KIRREL3: variants seen among roughly 807,000 people sequenced by gnomAD.
KIRREL3 encodes the protein kin of IRRE-like protein 3.
KIRREL3 carries 36 observed loss-of-function variants against 89.7 expected under a neutral mutation model. That is an observed-to-expected ratio of 0.40 (90% CI 0.31 to 0.53). KIRREL3 has a LOEUF of 0.53. Ranked by LOEUF, KIRREL3 falls within the 20% of genes least tolerant of loss-of-function variation. The pLI, the probability that KIRREL3 is intolerant of heterozygous loss-of-function variation, is 0.49. For synonymous variants in KIRREL3, 445 were observed against 441.4 expected (o/e 1.01, Z -0.10); for missense variants, 864 against 1,056.6 (o/e 0.82, Z 2.53).
intron 1 of KIRREL3, among the ~76,000 whole-genome samples, chr11:126,930,985 G>A (rs192735928): frequency 7.9e-5 from 12 of 152,196 alleles, no homozygotes; most frequent in Admixed American, 3.9e-4. Flanking sequence ...TTTCACATTC[G>A]GTTCCCTCTG....
intron 1 of KIRREL3, among the ~76,000 whole-genome samples, chr11:126,842,491 G>C (rs906238517): frequency 5.9e-5 from 9 of 152,150 alleles, no homozygotes; most frequent in African/African-American, 1.7e-4. Context: ...GCAAGACCAT[G>C]ACCATATTGG....
At chr11:126,855,628 G>A (rs1181785702) in intron 1 of KIRREL3, among the ~76,000 whole-genome samples, 1 of 152,250 alleles carries the variant, frequency 6.6e-6, no homozygotes, top group East Asian at 1.9e-4. Context: ...TATCATGTGT[G>A]AGACTCAGTG....
chr11:126,784,594 C>T (rs1215250949), intron 1 of KIRREL3, among the ~76,000 whole-genome samples: 1 of 150,372 alleles, frequency 6.7e-6, no homozygotes, highest in Admixed American at 6.7e-5. Context: ...CACCATTTTA[C>T]TTAGCGCTTA....
intron 6 of KIRREL3, among the ~76,000 whole-genome samples, chr11:126,457,649 G>T (rs1416879302): frequency 6.6e-6 from 1 of 152,108 alleles, no homozygotes; most frequent in African/African-American, 2.4e-5. Context: ...GAGAAAAAGA[G>T]AAATCTAGAG....
intron 1 of KIRREL3, among the ~76,000 whole-genome samples, chr11:126,925,991 C>T (rs141466122): frequency 6.6e-6 from 1 of 152,190 alleles, no homozygotes; most frequent in African/African-American, 2.4e-5. Flanking sequence ...ACTGCAGTGA[C>T]TCAGTCATGG....
chr11:126,440,832 G>A, intron 10 of KIRREL3: 1 of 512,978 alleles, frequency 1.9e-6, no homozygotes, highest in Non-Finnish European at 3.5e-6. Context: ...CACAGGAGCG[G>A]TGCAGATAAA....
At chr11:126,922,117 G>A (rs11600444) in intron 1 of KIRREL3, among the ~76,000 whole-genome samples, 1 of 122,558 alleles carries the variant, frequency 8.2e-6, no homozygotes, top group African/African-American at 3.0e-5. Flanking sequence ...CTATCTATCT[G>A]TCTGTCTATC....
chr11:126,816,661 A>G (rs1023370693), intron 1 of KIRREL3, among the ~76,000 whole-genome samples: 1 of 152,224 alleles, frequency 6.6e-6, no homozygotes, highest in African/African-American at 2.4e-5. Context: ...CAAGGATACT[A>G]TTTAATCTCC....
rs754005179 is a variant in KIRREL3, at chr11:126,449,009, A to T, written c.997T>A (p.Phe333Ile). 1 of 1,607,506 alleles carries T rather than the reference A, an allele frequency of 6.2e-7. No homozygotes were observed. Among genetic ancestry groups the T allele is most frequent in the Non-Finnish European group, 8.5e-7 (1 of 1,174,888 alleles). The stretch of plus-strand genomic sequence containing the variant: ...GGGAAGCCTGCACCACTGCACTCAC[A>T]GTAGACGTCAACCGTGCGGCTGAGG... Reference protein sequence around the residue: ...TNLSRTVDVYFGPRMTTEPQS... With the variant: ...TNLSRTVDVYIGPRMTTEPQS... Residue 333 changes from phenylalanine (F) to isoleucine (I), a missense_variant and splice_region_variant, in exon 8 of 17, where the codon TTT (phenylalanine) becomes ATT (isoleucine). Phe to Ile is a conservative substitution (Grantham distance 21). Transcript: ENST00000525144.
At chr11:126,779,873 C>T (rs1950274702) in intron 1 of KIRREL3, among the ~76,000 whole-genome samples, 3 of 152,044 alleles carry the variant, frequency 2.0e-5, no homozygotes, top group Non-Finnish European at 2.9e-5. Context: ...CAAGCAGAAT[C>T]AGCTGAACCA....
intron 1 of KIRREL3, among the ~76,000 whole-genome samples, chr11:126,762,149 T>TG (rs1565710320): frequency 2.0e-5 from 3 of 148,620 alleles, no homozygotes; most frequent in Admixed American, 1.3e-4. Context: ...CACTCCAGCT[T>TG]GGGTGACAGA....
Position 126,676,066 on chromosome 11 carries a change from G to A in KIRREL3, c.56-113154C>T, listed in dbSNP as rs542685734. ...GAGGGAGAAGTTTGAGAAAGGAAGA[G>A]GATGCCAGGTCCAGTTTGGGACATA... On this transcript the variant is annotated intron_variant, in intron 1 of 16. Coordinates refer to ENST00000525144, the MANE Select transcript of KIRREL3 (RefSeq NM_032531.4). This position sits in a 1 kb window ranked among gnomAD's most constrained non-coding sequence, Gnocchi z 4.5. 1.6e-3 allele frequency among the ~76,000 whole-genome samples: 249 copies of A among 152,258 alleles called. 1 individual carries two copies. Among genetic ancestry groups the A allele is most frequent in the Non-Finnish European group, 2.8e-3 (192 of 68,016 alleles).
intron 1 of KIRREL3, among the ~76,000 whole-genome samples, chr11:126,749,019 C>T (rs1353814088): frequency 1.3e-5 from 2 of 152,172 alleles, no homozygotes; most frequent in Non-Finnish European, 2.9e-5. Context: ...CATCTCCTCT[C>T]CCTGCAGTCT....
intron 1 of KIRREL3, among the ~76,000 whole-genome samples, chr11:126,847,218 G>T (rs1015056485): frequency 1.3e-5 from 2 of 152,064 alleles, no homozygotes; most frequent in African/African-American, 4.8e-5. Context: ...CTTTCTTTGG[G>T]CTGTATTTGT....
rs1432445224 is a variant in KIRREL3 at position 126,943,794 on chromosome 11, T to A, written c.55+56661A>T. On this transcript the variant is annotated intron_variant, in intron 1 of 16. Coordinates refer to ENST00000525144, the MANE Select transcript of KIRREL3 (RefSeq NM_032531.4). This position sits in a 1 kb window ranked among gnomAD's most constrained non-coding sequence, Gnocchi z 4.2. ...TGCCCCCTGAGTTTTAGAGATACCC[T>A]ATTTGAATGAGAGAAAACAAAGTGA... 6.6e-6 allele frequency among the ~76,000 whole-genome samples: 1 copy of A among 152,144 alleles called. No individual in the cohort carries two copies. Among genetic ancestry groups the A allele is most frequent in the Non-Finnish European group, 1.5e-5 (1 of 68,028 alleles).
intron 1 of KIRREL3, among the ~76,000 whole-genome samples, chr11:126,810,973 G>C (rs1951365981): frequency 6.6e-6 from 1 of 152,116 alleles, no homozygotes; most frequent in African/African-American, 2.4e-5. Flanking sequence ...GCAGGGAGGA[G>C]GTGGTACGTT....
At position 126,650,857 on chromosome 11, in the gene KIRREL3, C is replaced by T. The variant is rs558400115; in HGVS notation, c.56-87945G>A. 1.5e-4 allele frequency among the ~76,000 whole-genome samples: 23 copies of T among 152,162 alleles called. 1 individual carries two copies. Among genetic ancestry groups the T allele is most frequent in the African/African-American group, 4.3e-4 (18 of 41,424 alleles). ...GCTGCTGATAAAGACATACCCAAGA[C>T]TGGGAAGAAAAAGAGGTTTAACTGG... On this transcript the variant is annotated intron_variant, in intron 1 of 16. Coordinates refer to ENST00000525144, the MANE Select transcript of KIRREL3 (RefSeq NM_032531.4).
intron 2 of KIRREL3, among the ~76,000 whole-genome samples, chr11:126,529,305 G>C (rs1249746191): frequency 2.0e-5 from 3 of 152,176 alleles, no homozygotes; most frequent in Non-Finnish European, 2.9e-5. Context: ...GGAAGGCAAC[G>C]CTGGGAAGGG....
At position 126,987,776 on chromosome 11, in the gene KIRREL3, T is replaced by C. The variant is rs1362215471; in HGVS notation, c.55+12679A>G. Reference sequence around the variant, plus strand: ...GCTCTGATTCGATCTAAAGGAGCTTTGAAAACGTCAAAGAACTTTCATGTT... The same window carrying C: ...GCTCTGATTCGATCTAAAGGAGCTTCGAAAACGTCAAAGAACTTTCATGTT... On this transcript the variant is annotated intron_variant, in intron 1 of 16. Coordinates refer to ENST00000525144, the MANE Select transcript of KIRREL3 (RefSeq NM_032531.4). This position sits in a 1 kb window ranked among gnomAD's most constrained non-coding sequence, Gnocchi z 4.6. Among the ~76,000 whole-genome samples the C allele has an allele frequency of 1.3e-5, 2 of 152,262 alleles. No homozygotes were observed. Among genetic ancestry groups the C allele is most frequent in the Non-Finnish European group, 2.9e-5 (2 of 68,050 alleles).
Sources: gnomAD v4.1 joint callset for allele counts (sites outside exome capture counted in the v4.1 genomes callset) on GRCh38, gnomAD v4.1.1 for gene constraint, Gnocchi (gnomAD v3.1) non-coding constraint, MANE v1.5 for transcripts, NCBI Gene and HGNC (gene_info 2026-07-23, HGNC 2026-07-21) for gene names.